VPS16: variants seen among roughly 807,000 people sequenced by gnomAD.
The protein encoded by VPS16 is VPS16 core subunit of CORVET and HOPS complexes.
Under a neutral mutation model 116.0 loss-of-function variants are expected in VPS16, and 82 were observed. The ratio of observed to expected loss-of-function variants is 0.71; its 90% CI spans 0.59 to 0.85. The LOEUF is 0.85. Ranked by LOEUF, VPS16 falls within the 40% of genes least tolerant of loss-of-function variation. VPS16 has a pLI of 0.00. For missense variants in VPS16, 928 were observed against 1,090.6 expected, an observed-to-expected ratio of 0.85 and a Z score of 2.10; for synonymous variants, 406 against 420.7, an observed-to-expected ratio of 0.96 and a Z score of 0.43.
intron 1 of VPS16, among the ~76,000 whole-genome samples, chr20:2,857,911 G>A (rs564863082): frequency 2.6e-5 from 4 of 151,952 alleles, no homozygotes; most frequent in Admixed American, 6.6e-5. Context: ...GGGTTTCACC[G>A]TGTTGGCTAG....
At chr20:2,849,105 G>T (rs1261153559) in intron 1 of VPS16, among the ~76,000 whole-genome samples, 2 of 152,148 alleles carry the variant, frequency 1.3e-5, no homozygotes, top group Non-Finnish European at 2.9e-5. Context: ...GGGAGTTCAA[G>T]ATTGTCAGTT....
chr20:2,850,451 C>T (rs1411197470), intron 1 of VPS16, among the ~76,000 whole-genome samples: 6 of 152,152 alleles, frequency 3.9e-5, no homozygotes, highest in African/African-American at 1.4e-4. Flanking sequence ...CGTGGTGAAA[C>T]CCCATCTCTG....
Position 2,864,605 on chromosome 20 carries a change from A to T in VPS16, c.1877A>T (p.His626Leu). The change falls in exon 19 of 24, where the codon CAC becomes CTC. Residue 626 changes from histidine (H) to leucine (L), a missense_variant. His to Leu is a moderately conservative substitution (Grantham distance 99). Transcript: ENST00000380445. This position sits in a 1 kb window ranked among gnomAD's most constrained non-coding sequence, Gnocchi z 5.2. ...GACCTTTACAATCAGGATGACAATCACCAGGAATTGGGCAGCTTCCACATC... is the reference window on the plus strand; with the variant it reads ...GACCTTTACAATCAGGATGACAATCTCCAGGAATTGGGCAGCTTCCACATC... Reference protein sequence around the residue: ...LKDLYNQDDNHQELGSFHIRA... With the variant: ...LKDLYNQDDNLQELGSFHIRA... The T allele has an allele frequency of 6.2e-7, 1 of 1,614,130 alleles. No homozygotes were observed. Among genetic ancestry groups the T allele is most frequent in the Non-Finnish European group, 8.5e-7 (1 of 1,180,020 alleles).
At chr20:2,851,903 G>A (rs1193194825) in intron 1 of VPS16, among the ~76,000 whole-genome samples, 5 of 152,118 alleles carry the variant, frequency 3.3e-5, no homozygotes, top group African/African-American at 9.7e-5. Context: ...GTCGGGAGGC[G>A]GAGCTTGCAG....
chr20:2,847,234 G>A (rs2089069340), intron 1 of VPS16, among the ~76,000 whole-genome samples: 1 of 152,098 alleles, frequency 6.6e-6, no homozygotes, highest in Non-Finnish European at 1.5e-5. Context: ...CCTGGTCTTT[G>A]TCGCTGCAGA....
chr20:2,864,719 C>G lies in VPS16; in HGVS notation c.1926+65C>G. ...TGGGCTGGGGCTGTTGGTCCGGTTC[C>G]TTCAGGAATCTAGGCCTTCGTGTTG... On this transcript the variant is annotated intron_variant, in intron 19 of 23. Transcript: ENST00000380445. The surrounding 1 kb of genome is among the most constrained non-coding windows in gnomAD (Gnocchi z 5.2). The G allele has an allele frequency of 6.5e-7, 1 of 1,540,870 alleles. No individual in the cohort carries two copies. The highest frequency in any genetic ancestry group is 8.9e-7 in the Non-Finnish European group (1 of 1,121,136).
At position 2,860,569 on chromosome 20, in the gene VPS16, C is replaced by T; in HGVS notation, c.490C>T (p.Leu164Phe). The change falls in exon 5 of 24, where the codon CTC (leucine) becomes TTC (phenylalanine). Residue 164 changes from leucine to phenylalanine, a missense_variant. Transcript: ENST00000380445. This position sits in a 1 kb window ranked among gnomAD's most constrained non-coding sequence, Gnocchi z 6.1. ...CAGTGCCAATGTGGGTGACCTCAAA[C>T]TCCGCCGGATGCCAGAGGTGCCAGG... ...TLSANVGDLKLRRMPEVPGLQ... is the reference protein window; with the variant it reads ...TLSANVGDLKFRRMPEVPGLQ... The T allele has an allele frequency of 6.2e-7, 1 of 1,613,860 alleles. No individual in the cohort carries two copies. The highest frequency in any genetic ancestry group is 8.5e-7 in the Non-Finnish European group (1 of 1,180,010).
rs2089265593 is a variant in VPS16, at chr20:2,863,423, G to A, written c.1476+25G>A. 1.2e-6 allele frequency: 2 copies of A among 1,610,558 alleles called. No homozygotes were observed. Among genetic ancestry groups the A allele is most frequent in the East Asian group, 2.2e-5 (1 of 44,870 alleles). ...GGCAAGGATGTGGGATGGGGTCCAAGGGCATTTAGAGGATTCCAGGCCCTG... is the reference window on the plus strand; with the variant it reads ...GGCAAGGATGTGGGATGGGGTCCAAAGGCATTTAGAGGATTCCAGGCCCTG... On this transcript the variant is annotated intron_variant, in intron 15 of 23. Transcript: ENST00000380445. The surrounding 1 kb of genome is among the most constrained non-coding windows in gnomAD (Gnocchi z 4.4).
intron 1 of VPS16, among the ~76,000 whole-genome samples, chr20:2,851,736 G>GAGGC (rs2089123948): frequency 6.6e-6 from 1 of 151,902 alleles, no homozygotes; most frequent in Admixed American, 6.6e-5. Flanking sequence ...TTGGGAAGCC[G>GAGGC]AGGCAGGCAG....
Position 2,859,955 on chromosome 20 carries a change from G to A in VPS16, c.143-99G>A, listed in dbSNP as rs947500678. 3.3e-6 allele frequency: 5 copies of A among 1,537,252 alleles called. No homozygotes were observed. In the Admixed American group the frequency reaches 5.3e-5, roughly 16 times the overall value. ...TTTTACTTCTGGTTTTTATAGGCCTGCTTCACATGGGGTGGGCCTGGGGAG... is the reference window on the plus strand; with the variant it reads ...TTTTACTTCTGGTTTTTATAGGCCTACTTCACATGGGGTGGGCCTGGGGAG... On this transcript the variant is annotated intron_variant, in intron 2 of 23. Coordinates refer to ENST00000380445, the MANE Select transcript of VPS16 (RefSeq NM_022575.4).
chr20:2,841,088 C>T, intron 1 of VPS16: 1 of 533,854 alleles, frequency 1.9e-6, no homozygotes, highest in Non-Finnish European at 3.3e-6. Context: ...ATGCTCAGAT[C>T]TCGCTGAGGG....
chr20:2,863,654 C>T lies in VPS16; in HGVS notation c.1476+256C>T, dbSNP rs752333623. Among the ~76,000 whole-genome samples the T allele has an allele frequency of 2.6e-5, 4 of 151,908 alleles. No homozygotes were observed. The highest frequency in any genetic ancestry group is 4.4e-5 in the Non-Finnish European group (3 of 67,988). On this transcript the variant is annotated intron_variant, in intron 15 of 23. Transcript: ENST00000380445. This position sits in a 1 kb window ranked among gnomAD's most constrained non-coding sequence, Gnocchi z 4.4. ...GCGCATGCCTGTAATCCCAGCTACC[C>T]GGGAGGCTGAGGCAGGAGAATTGCT...
chr20:2,842,734 C>CTATA (rs369788389), intron 1 of VPS16, among the ~76,000 whole-genome samples: 1 of 55,940 alleles, frequency 1.8e-5, no homozygotes, highest in African/African-American at 1.4e-4. Context: ...ATGTATCTAT[C>CTATA]TATAGATACA....
At position 2,865,347 on chromosome 20, in the gene VPS16, C is replaced by G. The variant is rs2089316873; in HGVS notation, c.2174+30C>G. 1 of 1,613,848 alleles carries G rather than the reference C, an allele frequency of 6.2e-7. No homozygotes were observed. Among genetic ancestry groups the G allele is most frequent in the Non-Finnish European group, 8.5e-7 (1 of 1,179,906 alleles). ...GTGAGGGCCCAGGCTGCATGTGGGT[C>G]CCAGGACCACCTGCCTCTCCTGCAA... On this transcript the variant is annotated intron_variant, in intron 21 of 23. Transcript: ENST00000380445. This position sits in a 1 kb window ranked among gnomAD's most constrained non-coding sequence, Gnocchi z 5.2.
chr20:2,855,209 C>G (rs1265762913), intron 1 of VPS16, among the ~76,000 whole-genome samples: 2 of 151,840 alleles, frequency 1.3e-5, no homozygotes, highest in Admixed American at 1.3e-4. Flanking sequence ...CTGCCTGCCT[C>G]GGCCTTCCAA....
chr20:2,849,300 CTTT>C (rs11473184), intron 1 of VPS16, among the ~76,000 whole-genome samples: 10 of 133,686 alleles, frequency 7.5e-5, no homozygotes, highest in Admixed American at 7.7e-5. Context: ...GAATAAGATT[CTTT>C]TTTTTTTTTT....
At chr20:2,859,583 C>G (rs1221436266) in intron 1 of VPS16, 136 bp from the exon 2 acceptor site, 7 of 1,014,168 alleles carry the variant, frequency 6.9e-6, no homozygotes, top group African/African-American at 1.6e-5. Flanking sequence ...CTCCTCCCTC[C>G]CTCTGGGGGT....
rs553279154 is a variant in VPS16, at chr20:2,863,798, G to A, written c.1477-151G>A. 175 of 1,158,030 alleles carry A rather than the reference G, an allele frequency of 1.5e-4. 2 individuals are homozygous for A. The South Asian group carries it at 2.6e-3, about 17-fold the overall frequency. The allele number at this position is 1,158,030 out of a possible 1,614,324, so 71.7% of individuals were successfully genotyped here. ...AAGAAGTGGCGGGGGCGGAGGAGGA[G>A]GGAAAGAGAGAGAAAGAAGAAAGAG... On this transcript the variant is annotated intron_variant, in intron 15 of 23. Coordinates refer to ENST00000380445, the MANE Select transcript of VPS16 (RefSeq NM_022575.4). This position sits in a 1 kb window ranked among gnomAD's most constrained non-coding sequence, Gnocchi z 4.4.
intron 1 of VPS16, among the ~76,000 whole-genome samples, chr20:2,850,205 C>T: frequency 6.6e-6 from 1 of 152,084 alleles, no homozygotes; most frequent in East Asian, 1.9e-4. Context: ...CGCCTGTAAT[C>T]CCCAGCTACT....
Sources: allele counts gnomAD v4.1 joint callset (sites outside exome capture counted in the v4.1 genomes callset), GRCh38; gene constraint gnomAD v4.1.1; non-coding constraint Gnocchi (gnomAD v3.1); transcripts MANE v1.5; gene names NCBI Gene and HGNC (gene_info 2026-07-23, HGNC 2026-07-21).